Variants in SBF2 observed in about 807,000 individuals in gnomAD.
SBF2 encodes SET binding factor 2.
Under a neutral mutation model 225.2 loss-of-function variants are expected in SBF2, and 112 were observed. The ratio of observed to expected loss-of-function variants is 0.50; its 90% CI spans 0.43 to 0.58. SBF2 has a LOEUF of 0.58. SBF2 is among the 20% of genes least tolerant of loss of function. The pLI is 0.00. For missense variants in SBF2, 1,996 were observed against 2,206.2 expected, an observed-to-expected ratio of 0.90 and a Z score of 1.91; for synonymous variants, 763 against 773.3, an observed-to-expected ratio of 0.99 and a Z score of 0.22.
chr11:10,041,814 G>A (rs1182555509), intron 3 of SBF2, among the ~76,000 whole-genome samples: 5 of 99,502 alleles, frequency 5.0e-5, no homozygotes, highest in Admixed American at 2.1e-4. Flanking sequence ...TACTCTATAC[G>A]TAGCAGAAAC....
intron 15 of SBF2, 82 bp downstream of exon 15, chr11:9,963,691 A>AAG: frequency 1.4e-6 from 1 of 719,896 alleles, no homozygotes; most frequent in South Asian, 1.6e-5. Context: ...AGAATTAAAG[A>AAG]AGAGAGAAGC....
At chr11:10,064,706 T>C (rs961224050) in intron 2 of SBF2, among the ~76,000 whole-genome samples, 4 of 152,172 alleles carry the variant, frequency 2.6e-5, no homozygotes, top group African/African-American at 9.6e-5. Context: ...TAATGATATA[T>C]GGGCCAATTA....
At chr11:10,149,032 G>A (rs1007364940) in intron 2 of SBF2, among the ~76,000 whole-genome samples, 4 of 152,164 alleles carry the variant, frequency 2.6e-5, no homozygotes, top group African/African-American at 9.7e-5. Context: ...TGCCTTCTAA[G>A]GCCAAGTTCC....
At chr11:9,885,532 T>C (rs1860220263) in intron 17 of SBF2, among the ~76,000 whole-genome samples, 1 of 152,230 alleles carries the variant, frequency 6.6e-6, no homozygotes, top group East Asian at 1.9e-4. Flanking sequence ...AGACAGTGGG[T>C]AGAAACAGCA....
chr11:9,914,907 T>TG (rs145786716), intron 16 of SBF2, among the ~76,000 whole-genome samples: 2,094 of 102,314 alleles, frequency 0.02, 58 homozygotes, highest in African/African-American at 0.074. Context: ...GTGTTTATAG[T>TG]GGGGGGGGCT....
chr11:9,844,159 G>GAC (rs1490490060), intron 24 of SBF2, among the ~76,000 whole-genome samples: 1 of 152,210 alleles, frequency 6.6e-6, no homozygotes, highest in Non-Finnish European at 1.5e-5. Flanking sequence ...ATGGTGCTAA[G>GAC]ACAAGATGCT....
rs1962807125 is a variant in SBF2, at chr11:10,274,625, C to T, written c.55+19390G>A. On this transcript the variant is annotated intron_variant, in intron 1 of 39. Transcript: ENST00000256190. ...AATGAGCTGGGAGTGGTGGTGGGCACCTGTAATCCCAGCTACTCAGGAGGC... is the reference window on the plus strand; with the variant it reads ...AATGAGCTGGGAGTGGTGGTGGGCATCTGTAATCCCAGCTACTCAGGAGGC... 2.6e-5 allele frequency among the ~76,000 whole-genome samples: 4 copies of T among 151,944 alleles called. 1 individual carries two copies. In the Middle Eastern group the frequency reaches 0.01, roughly 388 times the overall value.
intron 16 of SBF2, among the ~76,000 whole-genome samples, chr11:9,938,524 T>A (rs1865047439): frequency 6.6e-6 from 1 of 151,728 alleles, no homozygotes; most frequent in Non-Finnish European, 1.5e-5. Context: ...TGTCCTTTTA[T>A]CAAATAAATA....
chr11:10,207,202 TGAAA>T (rs796463895), intron 1 of SBF2, among the ~76,000 whole-genome samples: 5 of 152,216 alleles, frequency 3.3e-5, no homozygotes, highest in African/African-American at 1.2e-4. Context: ...TTTCAAGTGC[TGAAA>T]GAAAGAACTA....
chr11:10,030,799 T>C (rs553009014), intron 4 of SBF2, among the ~76,000 whole-genome samples: 1 of 152,318 alleles, frequency 6.6e-6, no homozygotes, highest in East Asian at 1.9e-4. Context: ...ACATTCTGGA[T>C]TCAATAAATG....
At chr11:10,175,015 T>C (rs1956391448) in intron 2 of SBF2, among the ~76,000 whole-genome samples, 1 of 151,866 alleles carries the variant, frequency 6.6e-6, no homozygotes, top group Admixed American at 6.6e-5. Flanking sequence ...AAGGAAGCGC[T>C]AAACATGGAA....
intron 2 of SBF2, among the ~76,000 whole-genome samples, chr11:10,124,299 G>A (rs1953632057): frequency 6.6e-6 from 1 of 152,006 alleles, no homozygotes; most frequent in Admixed American, 6.6e-5. Context: ...TCCTTCCAAT[G>A]GCATACTAGA....
chr11:9,992,666 C>T, intron 11 of SBF2, 123 bp from the exon 12 acceptor site: 1 of 874,030 alleles, frequency 1.1e-6, no homozygotes, highest in Non-Finnish European at 1.7e-6. Context: ...TATATGCTGT[C>T]ATAAAATATA....
intron 17 of SBF2, among the ~76,000 whole-genome samples, chr11:9,869,021 T>TA (rs1858487402): frequency 6.6e-6 from 1 of 152,240 alleles, no homozygotes; most frequent in Admixed American, 6.5e-5. Flanking sequence ...ACTCATTAGT[T>TA]AGAGTACTTC....
chr11:9,955,775 T>A (rs1461784333), intron 16 of SBF2, among the ~76,000 whole-genome samples: 2 of 152,108 alleles, frequency 1.3e-5, no homozygotes, highest in African/African-American at 2.4e-5. Flanking sequence ...AATAGTATAT[T>A]ATCATTACAT....
intron 16 of SBF2, among the ~76,000 whole-genome samples, chr11:9,916,616 G>A (rs1486272578): frequency 1.5e-5 from 1 of 65,696 alleles, no homozygotes; most frequent in African/African-American, 6.4e-5. Flanking sequence ...TCTTTTTTTT[G>A]AGACAGGGTC....
chr11:10,063,147 T>C (rs756531431), intron 2 of SBF2, among the ~76,000 whole-genome samples: 8 of 151,570 alleles, frequency 5.3e-5, no homozygotes, highest in Non-Finnish European at 1.0e-4. Context: ...AAGAAGGAAA[T>C]AACAGACACT....
intron 2 of SBF2, among the ~76,000 whole-genome samples, chr11:10,133,300 G>A (rs1029934740): frequency 2.5e-4 from 38 of 149,660 alleles, no homozygotes; most frequent in African/African-American, 8.3e-4. Flanking sequence ...TGCGCCGTGT[G>A]CTCGCATTCC....
At chr11:10,194,686 C>T (rs1026889757) in intron 1 of SBF2, among the ~76,000 whole-genome samples, 3 of 152,006 alleles carry the variant, frequency 2.0e-5, no homozygotes, top group Non-Finnish European at 4.4e-5. Context: ...AATTTTTGTA[C>T]TTTTAGTAGA....
Sources: gnomAD v4.1 joint callset for allele counts (sites outside exome capture counted in the v4.1 genomes callset) on GRCh38, gnomAD v4.1.1 for gene constraint, MANE v1.5 for transcripts, NCBI Gene and HGNC (gene_info 2026-07-23, HGNC 2026-07-21) for gene names.